The following PDK1 variants were observed in gnomAD, a reference collection of about 807,000 sequenced individuals.
The protein encoded by PDK1 is [Pyruvate dehydrogenase (acetyl-transferring)] kinase isozyme 1, mitochondrial.
In PDK1, 39 loss-of-function variants were observed where a neutral mutation model predicts 54.2. That is an observed-to-expected ratio of 0.72 (90% CI 0.56 to 0.94). The LOEUF (loss-of-function observed/expected upper bound fraction) is 0.94, where lower values mean the gene tolerates loss of function less well. Among genes scored for constraint, PDK1 ranks in the 40% least tolerant of loss-of-function variants. The pLI, the probability that PDK1 is intolerant of heterozygous loss-of-function variation, is 0.00. For missense variants in PDK1, 552 were observed against 566.0 expected, an observed-to-expected ratio of 0.98 and a Z score of 0.25; for synonymous variants, 221 against 207.1, an observed-to-expected ratio of 1.07 and a Z score of -0.58.
chr2:172,610,603 CTATT>C (rs902187879), downstream of PDK1, among the ~76,000 whole-genome samples: 15 of 152,194 alleles, frequency 9.9e-5, no homozygotes, highest in African/African-American at 2.2e-4. Flanking sequence ...CAAATTATCT[CTATT>C]TAATTTTTTT....
At chr2:172,698,434 C>T in the PDK1 span, among the ~76,000 whole-genome samples, 1 of 152,176 alleles carries the variant, frequency 6.6e-6, no homozygotes, top group Non-Finnish European at 1.5e-5. Flanking sequence ...GTCTGGTCTT[C>T]CACCCAAACT....
At chr2:172,592,297 A>G (rs752532688) in intron 9 of PDK1, among the ~76,000 whole-genome samples, 1 of 151,834 alleles carries the variant, frequency 6.6e-6, no homozygotes, top group Non-Finnish European at 1.5e-5. Context: ...TACTACTTCT[A>G]TCTCTCTTTC....
chr2:172,699,859 C>T, the PDK1 span, among the ~76,000 whole-genome samples: 2 of 151,868 alleles, frequency 1.3e-5, no homozygotes, highest in Non-Finnish European at 1.5e-5. Flanking sequence ...AGCAGATAAA[C>T]ATGTGAACAA....
chr2:172,629,199 G>A, the PDK1 span, among the ~76,000 whole-genome samples: 2 of 152,268 alleles, frequency 1.3e-5, no homozygotes, highest in East Asian at 1.9e-4. Flanking sequence ...GGGAAATACT[G>A]GGTAGAAGAG....
chr2:172,564,442 A>G (rs1342756410), intron 3 of PDK1, 61 bp from the exon 4 acceptor site: 2 of 1,374,626 alleles, frequency 1.5e-6, no homozygotes, highest in African/African-American at 1.4e-5. Flanking sequence ...TTAAGCTTAT[A>G]TTTTTGTATT....
the PDK1 span, among the ~76,000 whole-genome samples, chr2:172,685,720 T>C: frequency 6.6e-6 from 1 of 152,238 alleles, no homozygotes; most frequent in African/African-American, 2.4e-5. Context: ...CATGTTGTAT[T>C]GTTCATGATA....
At chr2:172,567,042 T>C in intron 6 of PDK1, 109 bp downstream of exon 6, 1 of 683,168 alleles carries the variant, frequency 1.5e-6, no homozygotes, top group East Asian at 2.6e-5. Flanking sequence ...CTTCGTTGGA[T>C]ATGAAGGCTA....
chr2:172,711,785 G>A, the PDK1 span, among the ~76,000 whole-genome samples: 2 of 145,426 alleles, frequency 1.4e-5, no homozygotes, highest in East Asian at 4.3e-4. Flanking sequence ...AGGATCACTT[G>A]AGCCCGAAAG....
the PDK1 span, among the ~76,000 whole-genome samples, chr2:172,640,669 T>TA: frequency 6.6e-6 from 1 of 152,112 alleles, no homozygotes; most frequent in South Asian, 2.1e-4. Context: ...AATGAGGCAA[T>TA]AGTCTTTTAC....
chr2:172,580,626 A>G (rs1377187880), intron 8 of PDK1, among the ~76,000 whole-genome samples: 1 of 152,206 alleles, frequency 6.6e-6, no homozygotes, highest in Non-Finnish European at 1.5e-5. Flanking sequence ...CAAAGGATTG[A>G]GAATATTTAG....
At position 172,570,757 on chromosome 2, in the gene PDK1, C is replaced by G. The variant is rs866503289; in HGVS notation, c.878C>G (p.Ala293Gly). The change falls in exon 8 of 11, where the codon GCC (alanine) becomes GGC (glycine). Residue 293 changes from alanine (A) to glycine (G), a missense_variant. Coordinates refer to ENST00000282077, the MANE Select transcript of PDK1 (RefSeq NM_002610.5). ...NAMRATMEHH[A>G]NRGVYPPIQV... ...ATGAGAGCCACTATGGAACACCATG[C>G]CAACAGAGGTGTTTACCCCCCTATT... 1 of 1,609,042 alleles carries G rather than the reference C, an allele frequency of 6.2e-7. No homozygotes were observed. Among genetic ancestry groups the G allele is most frequent in the East Asian group, 2.2e-5 (1 of 44,830 alleles).
chr2:172,708,604 A>G, the PDK1 span, among the ~76,000 whole-genome samples: 1 of 152,244 alleles, frequency 6.6e-6, no homozygotes, highest in African/African-American at 2.4e-5. Context: ...AGCCAAAATA[A>G]TTGATACAGG....
At chr2:172,577,470 A>G (rs1166915436) in intron 8 of PDK1, among the ~76,000 whole-genome samples, 4 of 152,036 alleles carry the variant, frequency 2.6e-5, no homozygotes, top group Non-Finnish European at 4.4e-5. Context: ...ATTTTGGTTT[A>G]TGTTTGCCGT....
chr2:172,649,693 A>G, the PDK1 span, among the ~76,000 whole-genome samples: 2 of 152,238 alleles, frequency 1.3e-5, no homozygotes, highest in Non-Finnish European at 2.9e-5. Context: ...TGACGCATGC[A>G]CAAGCTTCAG....
rs1208464073 is a variant in PDK1 at position 172,568,734 on chromosome 2, T to C, written c.770-7T>C. The stretch of plus-strand genomic sequence containing the variant: ...GTACTTTCATATTTTTCTCTTCTGC[T>C]CTGTAGCAAAATCACCAGGACAGCC... On this transcript the variant is annotated splice_region_variant and splice_polypyrimidine_tract_variant and intron_variant, in intron 6 of 10. Transcript: ENST00000282077. 2.5e-6 allele frequency: 4 copies of C among 1,578,168 alleles called. No individual in the cohort carries two copies. The highest frequency in any genetic ancestry group is 2.6e-6 in the Non-Finnish European group (3 of 1,147,188).
the PDK1 span, among the ~76,000 whole-genome samples, chr2:172,637,760 A>G: frequency 6.6e-6 from 1 of 152,096 alleles, no homozygotes; most frequent in Non-Finnish European, 1.5e-5. Flanking sequence ...TAGTGGCGCA[A>G]TCTTGGCTCA....
At chr2:172,618,253 C>G in the PDK1 span, among the ~76,000 whole-genome samples, 2 of 152,140 alleles carry the variant, frequency 1.3e-5, no homozygotes, top group Admixed American at 6.5e-5. Context: ...CATCATTCAT[C>G]TTAAGATATA....
chr2:172,567,394 T>C (rs977494436), intron 6 of PDK1, among the ~76,000 whole-genome samples: 1 of 152,218 alleles, frequency 6.6e-6, no homozygotes, highest in African/African-American at 2.4e-5. Context: ...GGTTTTCTTT[T>C]TACCCTGATT....
At chr2:172,682,800 C>T in the PDK1 span, among the ~76,000 whole-genome samples, 1 of 152,144 alleles carries the variant, frequency 6.6e-6, no homozygotes, top group African/African-American at 2.4e-5. Context: ...AATGGGGAGG[C>T]TGTTGTAATA....
Sources: gnomAD v4.1 joint callset for allele counts (sites outside exome capture counted in the v4.1 genomes callset) on GRCh38, gnomAD v4.1.1 for gene constraint, MANE v1.5 for transcripts, NCBI Gene and HGNC (gene_info 2026-07-23, HGNC 2026-07-21) for gene names.